CSF2RA: variants seen among roughly 807,000 people sequenced by gnomAD.
CSF2RA encodes the protein granulocyte-macrophage colony-stimulating factor receptor subunit alpha.
In CSF2RA, 42 loss-of-function variants were observed where a neutral mutation model predicts 51.6. The observed-to-expected ratio is 0.81, with a 90% CI of 0.64 to 1.05. The LOEUF is 1.05. Ranked by LOEUF, CSF2RA falls within the 50% of genes least tolerant of loss-of-function variation. The pLI is 0.00. For missense variants in CSF2RA, 530 were observed against 501.1 expected, an observed-to-expected ratio of 1.06 and a Z score of -0.55; for synonymous variants, 222 against 193.0, an observed-to-expected ratio of 1.15 and a Z score of -1.24.
At chrX:1,323,747 G>C in the CSF2RA span, among the ~76,000 whole-genome samples, 1 of 152,018 alleles carries the variant, frequency 6.6e-6, no homozygotes, top group Non-Finnish European at 1.5e-5. Context: ...GGGCGCAGTG[G>C]CTCACGCCTG....
chrX:1,320,809 C>A, the CSF2RA span, among the ~76,000 whole-genome samples: 1 of 151,452 alleles, frequency 6.6e-6, no homozygotes, highest in Non-Finnish European at 1.5e-5. Context: ...CTGCACCCAG[C>A]CTGTTTTGTC....
chrX:1,303,886 C>G, intron 10 of CSF2RA, 37 bp from the exon 11 acceptor site: 1 of 1,523,062 alleles, frequency 6.6e-7, no homozygotes, highest in Non-Finnish European at 9.1e-7. Context: ...TGTCCGTCAA[C>G]GATTCACCGC....
At position 1,309,622 on chromosome X, in the gene CSF2RA, C is replaced by G; in HGVS notation, c.*143C>G. On this transcript the variant is annotated 3_prime_UTR_variant, in exon 13 of 13. Transcript: ENST00000381529. ...ACATTTGGGGCCAGGCGCGGTGGCT[C>G]ACGCCTGTAATCCCAGCACTTTGGG... is the stretch of plus-strand genomic sequence containing the variant. 6.2e-7 allele frequency: 1 copy of G among 1,604,044 alleles called. No homozygotes were observed. The highest frequency in any genetic ancestry group is 1.3e-5 in the African/African-American group (1 of 74,772).
chrX:1,293,722 G>C (rs1443971154), intron 7 of CSF2RA, among the ~76,000 whole-genome samples: 1 of 152,006 alleles, frequency 6.6e-6, no homozygotes, highest in African/African-American at 2.4e-5. Flanking sequence ...CCTGGACCCA[G>C]TGTAGACAAA....
chrX:1,301,526 G>C (rs1164457411), intron 10 of CSF2RA, among the ~76,000 whole-genome samples: 1 of 150,626 alleles, frequency 6.6e-6, no homozygotes, highest in Non-Finnish European at 1.5e-5. Context: ...CAATCAGTCA[G>C]TCTTTGTCCG....
intron 2 of CSF2RA, among the ~76,000 whole-genome samples, chrX:1,278,909 G>A (rs1194435510): frequency 1.8e-4 from 27 of 149,854 alleles, no homozygotes; most frequent in Non-Finnish European, 3.0e-4. Flanking sequence ...GTGTTGGTGC[G>A]TGCCTGTAGT....
At chrX:1,314,146 C>G (rs1328742035), downstream of CSF2RA, among the ~76,000 whole-genome samples, 1 of 152,132 alleles carries the variant, frequency 6.6e-6, no homozygotes, top group African/African-American at 2.4e-5. Context: ...CGGACCCTCT[C>G]CAAGGAATGG....
At chrX:1,322,438 T>G in the CSF2RA span, among the ~76,000 whole-genome samples, 2 of 87,680 alleles carry the variant, frequency 2.3e-5, 1 homozygote, top group African/African-American at 9.6e-5. Context: ...TGTGTGTGTT[T>G]GTTTTTTTTT....
In CSF2RA at chrX:1,307,121, C is replaced by T. The variant is rs771215429; in HGVS notation, c.1125+1594C>T. On this transcript the variant is annotated intron_variant, in intron 12 of 12. Transcript: ENST00000381529. Reference sequence around the variant, plus strand: ...CCACCTCTCTCCGGCTCAGGGACTGCGTCTTATGTTGCAGTAGGCTGGCAG... The same window carrying T: ...CCACCTCTCTCCGGCTCAGGGACTGTGTCTTATGTTGCAGTAGGCTGGCAG... Among the ~76,000 whole-genome samples the T allele has an allele frequency of 3.3e-4, 51 of 152,254 alleles. 2 individuals carry two copies. In the East Asian group the frequency reaches 3.7e-3, roughly 11 times the overall value.
At chrX:1,322,983 G>A in the CSF2RA span, among the ~76,000 whole-genome samples, 1 of 151,484 alleles carries the variant, frequency 6.6e-6, no homozygotes, top group African/African-American at 2.4e-5. Context: ...CAAAAAATTA[G>A]CCGGGCGTGG....
downstream of CSF2RA, among the ~76,000 whole-genome samples, chrX:1,313,583 G>T (rs1472188632): frequency 6.7e-6 from 1 of 149,180 alleles, no homozygotes; most frequent in Admixed American, 6.7e-5. Flanking sequence ...GTGGTGGCAG[G>T]CACCTATAAT....
At chrX:1,322,912 G>A in the CSF2RA span, among the ~76,000 whole-genome samples, 3 of 148,608 alleles carry the variant, frequency 2.0e-5, no homozygotes, top group Admixed American at 6.7e-5. Context: ...GGCAGATCAC[G>A]AGGTCAGGAG....
downstream of CSF2RA, among the ~76,000 whole-genome samples, chrX:1,314,951 G>GCGCC (rs2084493716): frequency 9.0e-6 from 1 of 110,930 alleles, no homozygotes; most frequent in African/African-American, 3.6e-5. Flanking sequence ...CAACCCCTCT[G>GCGCC]TGCCTGCCCA....
intron 12 of CSF2RA, chrX:1,306,074 T>TC: frequency 2.7e-6 from 1 of 369,040 alleles, no homozygotes. Context: ...AGAGCGAGAC[T>TC]CCATCTCAAA....
chrX:1,280,425 T>G (rs367546908), intron 2 of CSF2RA, among the ~76,000 whole-genome samples: 2 of 145,868 alleles, frequency 1.4e-5, no homozygotes, highest in African/African-American at 2.5e-5. Flanking sequence ...GAGCCAAGAT[T>G]GCACCACTGC....
chrX:1,307,651 T>C (rs370922543), intron 12 of CSF2RA, among the ~76,000 whole-genome samples: 2,550 of 123,348 alleles, frequency 0.021, 1 homozygote, highest in African/African-American at 0.049. Context: ...TTCGACTGAT[T>C]AGATGAGGCC....
At chrX:1,279,635 C>T (rs1459981117) in intron 2 of CSF2RA, among the ~76,000 whole-genome samples, 10 of 151,850 alleles carry the variant, frequency 6.6e-5, no homozygotes, top group African/African-American at 1.2e-4. Flanking sequence ...GTGGGGGAAG[C>T]GGCCACATCC....
chrX:1,277,848 G>C (rs1246629697), intron 2 of CSF2RA, among the ~76,000 whole-genome samples: 1 of 149,820 alleles, frequency 6.7e-6, no homozygotes, highest in South Asian at 2.1e-4. Context: ...ATGGTGGTGC[G>C]TGCCTGTAGT....
intron 1 of CSF2RA, among the ~76,000 whole-genome samples, chrX:1,273,225 C>G (rs1431796120): frequency 6.6e-6 from 1 of 151,986 alleles, no homozygotes. Flanking sequence ...CCCTGTATAT[C>G]GTGACTTACT....
Sources: allele counts gnomAD v4.1 joint callset (sites outside exome capture counted in the v4.1 genomes callset), GRCh38; gene constraint gnomAD v4.1.1; transcripts MANE v1.5; gene names NCBI Gene and HGNC (gene_info 2026-07-23, HGNC 2026-07-21).